DLGAP2: variants seen among roughly 807,000 people sequenced by gnomAD.
DLGAP2 encodes disks large-associated protein 2.
Under a neutral mutation model 100.3 loss-of-function variants are expected in DLGAP2, and 26 were observed. The observed-to-expected ratio is 0.26, with a 90% CI of 0.19 to 0.36. The LOEUF (loss-of-function observed/expected upper bound fraction) is 0.36, where lower values mean the gene tolerates loss of function less well. DLGAP2 is among the 10% of genes least tolerant of loss of function. The pLI is 1.00. For synonymous variants in DLGAP2, 886 were observed against 630.1 expected, an observed-to-expected ratio of 1.41 and a Z score of -6.08; for missense variants, 1,858 against 1,453.2, an observed-to-expected ratio of 1.28 and a Z score of -4.53.
intron 2 of DLGAP2, among the ~76,000 whole-genome samples, chr8:1,189,688 C>T (rs572254692): frequency 6.6e-6 from 1 of 152,260 alleles, no homozygotes; most frequent in Non-Finnish European, 1.5e-5. Flanking sequence ...GAGTTTTCCC[C>T]TCAGGAAGTT....
chr8:1,129,851 G>A (rs1167611370), intron 2 of DLGAP2, among the ~76,000 whole-genome samples: 1 of 152,078 alleles, frequency 6.6e-6, no homozygotes. Context: ...CAGCAACCGT[G>A]GGCCTTGGAC....
At chr8:1,350,774 G>A (rs1298505083) in intron 3 of DLGAP2, among the ~76,000 whole-genome samples, 5 of 57,976 alleles carry the variant, frequency 8.6e-5, no homozygotes, top group East Asian at 7.2e-4. Flanking sequence ...CTGAGCGTGC[G>A]TGGAAAGGCC....
At position 1,585,747 on chromosome 8, in the gene DLGAP2, C is replaced by A. The variant is rs1211066488; in HGVS notation, c.1442+19853C>A. Among the ~76,000 whole-genome samples, 5 of 152,192 alleles carry A rather than the reference C, an allele frequency of 3.3e-5. No individual in the cohort carries two copies. The South Asian group carries it at 1.0e-3, about 32-fold the overall frequency. On this transcript the variant is annotated intron_variant, in intron 6 of 14. Transcript: ENST00000637795. ...GCCTGGGCAGTACTGTAGCCAGCCT[C>A]TCCATACACTCGCAGTCCATTCATT... is the stretch of plus-strand genomic sequence containing the variant.
chr8:1,142,409 G>A (rs1034191732), intron 2 of DLGAP2, among the ~76,000 whole-genome samples: 5 of 152,232 alleles, frequency 3.3e-5, no homozygotes, highest in Non-Finnish European at 7.3e-5. Context: ...AGATTTGCAA[G>A]AAAGAAGCTA....
chr8:1,420,884 C>T (rs1240969550), intron 3 of DLGAP2, among the ~76,000 whole-genome samples: 1 of 152,170 alleles, frequency 6.6e-6, no homozygotes, highest in African/African-American at 2.4e-5. Context: ...GTCTTCGTTG[C>T]CTGGGCTGCA....
intron 1 of DLGAP2, among the ~76,000 whole-genome samples, chr8:869,526 A>G (rs1160588345): frequency 6.6e-6 from 1 of 152,240 alleles, no homozygotes; most frequent in Non-Finnish European, 1.5e-5. Context: ...AAGTGATAGC[A>G]TGTCACAATT....
intron 2 of DLGAP2, among the ~76,000 whole-genome samples, chr8:1,089,012 A>C (rs1475982849): frequency 8.8e-5 from 8 of 90,528 alleles, no homozygotes; most frequent in Admixed American, 1.3e-4. Context: ...CCCCGGCCTC[A>C]CTCTCTCCAC....
intron 3 of DLGAP2, among the ~76,000 whole-genome samples, chr8:1,266,870 C>T (rs1280104263): frequency 1.3e-5 from 2 of 152,048 alleles, no homozygotes; most frequent in Admixed American, 1.3e-4. Context: ...GAATGGCTTG[C>T]TCATTAATGC....
chr8:1,322,237 T>C (rs1585258357), intron 3 of DLGAP2, among the ~76,000 whole-genome samples: 1 of 152,254 alleles, frequency 6.6e-6, no homozygotes, highest in East Asian at 1.9e-4. Flanking sequence ...TAATAGAAAT[T>C]CGAGTATTTC....
chr8:1,074,718 C>G (rs531131758), intron 2 of DLGAP2, among the ~76,000 whole-genome samples: 2 of 152,180 alleles, frequency 1.3e-5, no homozygotes, highest in African/African-American at 2.4e-5. Flanking sequence ...TCCCACTCCT[C>G]GTCTTTCCAG....
At chr8:1,582,788 G>A (rs1273688122) in intron 6 of DLGAP2, among the ~76,000 whole-genome samples, 2 of 152,130 alleles carry the variant, frequency 1.3e-5, no homozygotes, top group East Asian at 3.9e-4. Flanking sequence ...GTAGAGACAA[G>A]AGTTTCACCA....
At chr8:746,892 G>C (rs1051758127) in intron 1 of DLGAP2, among the ~76,000 whole-genome samples, 1 of 152,206 alleles carries the variant, frequency 6.6e-6, no homozygotes, top group South Asian at 2.1e-4. Flanking sequence ...ATGCGAGGAC[G>C]GTGCCCCTGT....
chr8:851,150 C>G (rs1797175941), intron 1 of DLGAP2, among the ~76,000 whole-genome samples: 1 of 152,158 alleles, frequency 6.6e-6, no homozygotes, highest in Non-Finnish European at 1.5e-5. Context: ...GCACAAGTGC[C>G]ATGTGTTACA....
chr8:1,538,951 T>C (rs755020221), intron 4 of DLGAP2, among the ~76,000 whole-genome samples: 208 of 149,812 alleles, frequency 1.4e-3, no homozygotes, highest in Non-Finnish European at 2.4e-3. Flanking sequence ...AATGGTGCGA[T>C]CTCCACTCAC....
At chr8:1,029,693 G>T (rs1801920755) in intron 2 of DLGAP2, among the ~76,000 whole-genome samples, 1 of 152,174 alleles carries the variant, frequency 6.6e-6, no homozygotes, top group Non-Finnish European at 1.5e-5. Flanking sequence ...TTAGAGAAAG[G>T]CGGGTGACCT....
chr8:1,143,847 C>A (rs1053310030), intron 2 of DLGAP2, among the ~76,000 whole-genome samples: 1 of 152,236 alleles, frequency 6.6e-6, no homozygotes, highest in African/African-American at 2.4e-5. Context: ...ACCTGTGCCC[C>A]TCACTGAGGG....
intron 4 of DLGAP2, among the ~76,000 whole-genome samples, chr8:1,532,537 T>C (rs1484099284): frequency 1.3e-5 from 2 of 152,310 alleles, no homozygotes; most frequent in Non-Finnish European, 2.9e-5. Flanking sequence ...TTATGGCTCT[T>C]AAGATTTGGG....
intron 2 of DLGAP2, among the ~76,000 whole-genome samples, chr8:998,591 C>G (rs1445765944): frequency 6.6e-6 from 1 of 152,096 alleles, no homozygotes; most frequent in African/African-American, 2.4e-5. Context: ...ATGCCAGCCA[C>G]CATGCCTGAC....
intron 3 of DLGAP2, chr8:1,380,942 A>C (rs1796079315): frequency 1.5e-5 from 2 of 131,456 alleles, no homozygotes; most frequent in African/African-American, 3.7e-5. Context: ...TGATTCAAAA[A>C]AAAAAAAAAA....
Sources: allele counts gnomAD v4.1 joint callset (sites outside exome capture counted in the v4.1 genomes callset), GRCh38; gene constraint gnomAD v4.1.1; transcripts MANE v1.5; gene names NCBI Gene and HGNC (gene_info 2026-07-23, HGNC 2026-07-21).